TMEM132B: variants seen among roughly 807,000 people sequenced by gnomAD.
The protein encoded by TMEM132B is transmembrane protein 132B.
In TMEM132B, 18 loss-of-function variants were observed where a neutral mutation model predicts 90.8. The observed-to-expected ratio is 0.20, with a 90% CI of 0.14 to 0.29. The LOEUF (loss-of-function observed/expected upper bound fraction) is 0.29, where lower values mean the gene tolerates loss of function less well. Ranked by LOEUF, TMEM132B falls within the 10% of genes least tolerant of loss-of-function variation. TMEM132B has a pLI of 1.00. For missense variants in TMEM132B, 1,096 were observed against 1,326.8 expected (o/e 0.83, Z 2.70); for synonymous variants, 504 against 523.3 (o/e 0.96, Z 0.50).
intron 1 of TMEM132B, among the ~76,000 whole-genome samples, chr12:125,238,381 A>AAC (rs1555233378): frequency 2.1e-5 from 3 of 146,154 alleles, no homozygotes; most frequent in Non-Finnish European, 3.1e-5. Context: ...AAAAAACAAA[A>AAC]AAAAACCAAA....
chr12:125,607,439 C>T (rs1165500080), intron 5 of TMEM132B, among the ~76,000 whole-genome samples: 1 of 152,122 alleles, frequency 6.6e-6, no homozygotes, highest in Non-Finnish European at 1.5e-5. Context: ...CAATTGGCTG[C>T]CTGTGATTGA....
At chr12:125,305,670 A>G (rs1226837567) in intron 1 of TMEM132B, among the ~76,000 whole-genome samples, 1 of 152,220 alleles carries the variant, frequency 6.6e-6, no homozygotes, top group Non-Finnish European at 1.5e-5. Flanking sequence ...ATGGAAATAC[A>G]TGCTTTGTGG....
chr12:125,263,189 T>C (rs1874607924), intron 1 of TMEM132B, among the ~76,000 whole-genome samples: 1 of 152,248 alleles, frequency 6.6e-6, no homozygotes, highest in Admixed American at 6.5e-5. Context: ...CAGATTTTTC[T>C]TATGTAATGT....
At chr12:125,525,419 G>T (rs2136676133) in intron 4 of TMEM132B, among the ~76,000 whole-genome samples, 1 of 152,322 alleles carries the variant, frequency 6.6e-6, no homozygotes, top group South Asian at 2.1e-4. Context: ...AAAAGGGTTG[G>T]AGGAAGCTGG....
intron 3 of TMEM132B, among the ~76,000 whole-genome samples, chr12:125,508,784 T>C (rs568346092): frequency 1.1e-4 from 16 of 150,830 alleles, no homozygotes; most frequent in South Asian, 4.2e-4. Flanking sequence ...TTCTTTCTTT[T>C]TTTTTTTTTT....
intron 4 of TMEM132B, among the ~76,000 whole-genome samples, chr12:125,583,636 TCCAA>T (rs1885109339): frequency 6.6e-6 from 1 of 152,036 alleles, no homozygotes; most frequent in Admixed American, 6.5e-5. Context: ...GGGAAGACAT[TCCAA>T]CCAACCATCA....
intron 4 of TMEM132B, among the ~76,000 whole-genome samples, chr12:125,543,367 A>G (rs1884005130): frequency 6.6e-6 from 1 of 152,236 alleles, no homozygotes; most frequent in African/African-American, 2.4e-5. Context: ...AATTTAAAAA[A>G]CCAATGTTGT....
intron 2 of TMEM132B, among the ~76,000 whole-genome samples, chr12:125,403,494 A>T (rs141605318): frequency 6.6e-6 from 1 of 152,214 alleles, no homozygotes; most frequent in Non-Finnish European, 1.5e-5. Context: ...AGATATTGTA[A>T]TTTTTAAATA....
intron 1 of TMEM132B, among the ~76,000 whole-genome samples, chr12:125,267,980 C>T (rs190850359): frequency 8.5e-5 from 13 of 152,210 alleles, no homozygotes; most frequent in Admixed American, 8.5e-4. Flanking sequence ...GTAGTGCCTG[C>T]ACTACCTGTA....
intron 2 of TMEM132B, among the ~76,000 whole-genome samples, chr12:125,388,768 C>T (rs1296677338): frequency 2.0e-5 from 3 of 152,208 alleles, no homozygotes; most frequent in East Asian, 1.9e-4. Flanking sequence ...CATCCCTGCT[C>T]GTCTTCTGGC....
Position 125,555,595 on chromosome 12 carries a change from A to T in TMEM132B, c.1294-28256A>T, listed in dbSNP as rs186048188. 5.7e-3 allele frequency among the ~76,000 whole-genome samples: 844 copies of T among 149,372 alleles called. 13 individuals carry two copies. Among genetic ancestry groups the T allele is most frequent in the African/African-American group, 0.018 (754 of 40,978 alleles). ...GGGGGGTGGGGGGAGGGATAGCATT[A>T]GGAGATATACCTAATGTAAATGACG... On this transcript the variant is annotated intron_variant, in intron 4 of 8. Coordinates refer to ENST00000682704, the MANE Select transcript of TMEM132B (RefSeq NM_001366854.1).
intron 3 of TMEM132B, among the ~76,000 whole-genome samples, chr12:125,515,058 G>A (rs1883074538): frequency 6.6e-6 from 1 of 152,184 alleles, no homozygotes; most frequent in African/African-American, 2.4e-5. Flanking sequence ...GAAGGAAGGT[G>A]TGTGCTCTAG....
chr12:125,524,624 G>T (rs538405132), intron 4 of TMEM132B, among the ~76,000 whole-genome samples: 1 of 152,230 alleles, frequency 6.6e-6, no homozygotes. Flanking sequence ...CATTGGCCTG[G>T]CATACTGCAT....
intron 2 of TMEM132B, among the ~76,000 whole-genome samples, chr12:125,404,699 A>T (rs1412974111): frequency 6.6e-6 from 1 of 152,188 alleles, no homozygotes; most frequent in Non-Finnish European, 1.5e-5. Context: ...TGGTTATCCA[A>T]GGCCTCACAG....
At chr12:125,321,414 A>G (rs148728982) in intron 1 of TMEM132B, among the ~76,000 whole-genome samples, 84 of 152,322 alleles carry the variant, frequency 5.5e-4, no homozygotes, top group African/African-American at 1.9e-3. Flanking sequence ...GATGTGGAGA[A>G]ACTGTAATCC....
chr12:125,511,373 C>G (rs1882973812), intron 3 of TMEM132B, among the ~76,000 whole-genome samples: 1 of 152,050 alleles, frequency 6.6e-6, no homozygotes, highest in Admixed American at 6.6e-5. Flanking sequence ...TCATGGAACC[C>G]AAGGAAAGCA....
chr12:125,551,231 A>T (rs1394942611), intron 4 of TMEM132B, among the ~76,000 whole-genome samples: 1 of 152,214 alleles, frequency 6.6e-6, no homozygotes, highest in Non-Finnish European at 1.5e-5. Flanking sequence ...TTCTTACAAC[A>T]ATCCTGTTAG....
At chr12:125,430,333 A>T (rs1279916018) in intron 3 of TMEM132B, among the ~76,000 whole-genome samples, 1 of 152,186 alleles carries the variant, frequency 6.6e-6, no homozygotes, top group South Asian at 2.1e-4. Context: ...ATTTCACGGT[A>T]GCTCATGTAG....
chr12:125,240,283 G>C (rs1238998748), intron 1 of TMEM132B, among the ~76,000 whole-genome samples: 1 of 152,144 alleles, frequency 6.6e-6, no homozygotes, highest in African/African-American at 2.4e-5. Flanking sequence ...GGCTGGTTTT[G>C]GCCCAAGTCC....
Sources: allele counts gnomAD v4.1 joint callset (sites outside exome capture counted in the v4.1 genomes callset), GRCh38; gene constraint gnomAD v4.1.1; transcripts MANE v1.5; gene names NCBI Gene and HGNC (gene_info 2026-07-23, HGNC 2026-07-21).